Variants in PTPRD observed in about 807,000 individuals in gnomAD.
The protein encoded by PTPRD is receptor-type tyrosine-protein phosphatase delta.
Under a neutral mutation model 214.5 loss-of-function variants are expected in PTPRD, and 34 were observed. The ratio of observed to expected loss-of-function variants is 0.16; its 90% CI spans 0.12 to 0.21. The LOEUF (loss-of-function observed/expected upper bound fraction) is 0.21. PTPRD is among the 10% of genes least tolerant of loss of function. PTPRD has a pLI of 1.00. For missense variants in PTPRD, 2,545 were observed against 2,398.7 expected (o/e 1.06, Z -1.27); for synonymous variants, 1,128 against 845.7 (o/e 1.33, Z -5.79).
At chr9:9,180,432 CAG>C in intron 10 of PTPRD, among the ~76,000 whole-genome samples, 1 of 119,744 alleles carries the variant, frequency 8.4e-6, no homozygotes, top group Non-Finnish European at 1.6e-5. Flanking sequence ...GAACATCACA[CAG>C]TGGGGCCTGT....
chr9:8,792,192 T>C (rs2096259947), intron 11 of PTPRD, among the ~76,000 whole-genome samples: 1 of 152,184 alleles, frequency 6.6e-6, no homozygotes, highest in South Asian at 2.1e-4. Context: ...GAATTTGAAG[T>C]ACTTATGACT....
At chr9:9,898,501 A>T (rs2075604973) in intron 5 of PTPRD, among the ~76,000 whole-genome samples, 1 of 152,086 alleles carries the variant, frequency 6.6e-6, no homozygotes, top group African/African-American at 2.4e-5. Flanking sequence ...CGCATCAAGG[A>T]TTACTTCATG....
intron 8 of PTPRD, among the ~76,000 whole-genome samples, chr9:9,423,666 C>T (rs11790367): frequency 6.6e-6 from 1 of 151,946 alleles, no homozygotes; most frequent in Non-Finnish European, 1.5e-5. Flanking sequence ...ATAACTGCAT[C>T]AGAGAAATGG....
chr9:9,996,870 G>C (rs2096139346), intron 4 of PTPRD, among the ~76,000 whole-genome samples: 1 of 152,144 alleles, frequency 6.6e-6, no homozygotes, highest in Non-Finnish European at 1.5e-5. Context: ...AGAAAGAAGA[G>C]CTGATTTTCA....
intron 11 of PTPRD, among the ~76,000 whole-genome samples, chr9:8,908,046 G>T (rs74572245): frequency 0.03 from 4,513 of 152,132 alleles, 197 homozygotes; most frequent in African/African-American, 0.097. Context: ...AATCTTGAAA[G>T]CAGGAAGAGA....
intron 2 of PTPRD, among the ~76,000 whole-genome samples, chr9:10,591,663 C>A (rs769963338): frequency 6.6e-6 from 1 of 152,028 alleles, no homozygotes; most frequent in Non-Finnish European, 1.5e-5. Context: ...GGTGGGCAGC[C>A]TCCAATAAGG....
rs2099703204 is a variant in PTPRD, at chr9:9,059,443, G to A, written c.-142-40708C>T. ...GGTTAAGGATATAGACAAAGAATAA[G>A]TATATAGAAATCAAAAACAAAAAGA... On this transcript the variant is annotated intron_variant, in intron 10 of 45. Transcript: ENST00000381196. 2.0e-5 allele frequency among the ~76,000 whole-genome samples: 3 copies of A among 152,218 alleles called. No individual in the cohort carries two copies. The East Asian group carries it at 5.8e-4, about 29-fold the overall frequency.
chr9:9,397,070 AAAC>A (rs2068144573), intron 9 of PTPRD, among the ~76,000 whole-genome samples: 1 of 152,048 alleles, frequency 6.6e-6, no homozygotes, highest in Non-Finnish European at 1.5e-5. Context: ...ATAGTAGAGA[AAAC>A]AAAAAATAAT....
chr9:9,301,980 G>T (rs886640021), intron 9 of PTPRD, among the ~76,000 whole-genome samples: 3 of 151,910 alleles, frequency 2.0e-5, no homozygotes, highest in Non-Finnish European at 4.4e-5. Flanking sequence ...ACTATTTAAA[G>T]TCAAGTTACT....
Position 9,665,303 on chromosome 9 carries a change from A to C in PTPRD, c.-287+69230T>G, listed in dbSNP as rs542734405. Among the ~76,000 whole-genome samples the C allele has an allele frequency of 2.5e-3, 387 of 151,958 alleles. 2 individuals carry two copies. Among genetic ancestry groups the C allele is most frequent in the African/African-American group, 8.7e-3 (362 of 41,556 alleles). Reference sequence around the variant, plus strand: ...ACGGCATAAATACAAAGCATTTATTAGTATTTTCATTTAATCTCGTTTGAG... The same window carrying C: ...ACGGCATAAATACAAAGCATTTATTCGTATTTTCATTTAATCTCGTTTGAG... On this transcript the variant is annotated intron_variant, in intron 7 of 45. Coordinates refer to ENST00000381196, the MANE Select transcript of PTPRD (RefSeq NM_002839.4).
At chr9:9,051,623 C>A (rs2099685723) in intron 10 of PTPRD, among the ~76,000 whole-genome samples, 1 of 151,978 alleles carries the variant, frequency 6.6e-6, no homozygotes, top group Non-Finnish European at 1.5e-5. Context: ...ATGCCTAAGC[C>A]ATTTAGAAAG....
At chr9:10,464,402 GAT>G (rs1478144643) in intron 2 of PTPRD, among the ~76,000 whole-genome samples, 34 of 143,766 alleles carry the variant, frequency 2.4e-4, no homozygotes, top group African/African-American at 8.5e-4. Context: ...GAGAGAGAGA[GAT>G]AGAGAGACAG....
intron 3 of PTPRD, among the ~76,000 whole-genome samples, chr9:10,034,406 AC>A (rs1567216492): frequency 3.9e-5 from 4 of 103,254 alleles, no homozygotes; most frequent in African/African-American, 3.4e-5. Context: ...TCCTGGCTCT[AC>A]TTTTTTTTTT....
At chr9:8,430,259 A>T (rs983331979) in intron 35 of PTPRD, among the ~76,000 whole-genome samples, 1 of 150,378 alleles carries the variant, frequency 6.6e-6, no homozygotes, top group Admixed American at 6.6e-5. Flanking sequence ...ATGCCCATTA[A>T]TTTTTTTTAT....
intron 10 of PTPRD, among the ~76,000 whole-genome samples, chr9:9,095,805 T>C (rs1399608074): frequency 1.3e-5 from 2 of 152,210 alleles, no homozygotes; most frequent in South Asian, 2.1e-4. Context: ...TTCATTCCCA[T>C]GTTCCTTGCA....
At chr9:9,613,075 G>C (rs1421230180) in intron 7 of PTPRD, among the ~76,000 whole-genome samples, 1 of 127,776 alleles carries the variant, frequency 7.8e-6, no homozygotes, top group East Asian at 2.3e-4. Context: ...GTCTCATGAT[G>C]CTGATGCTGC....
intron 4 of PTPRD, among the ~76,000 whole-genome samples, chr9:9,968,282 TAA>T (rs2094845361): frequency 6.6e-6 from 1 of 152,166 alleles, no homozygotes; most frequent in Admixed American, 6.5e-5. Flanking sequence ...CTGATTTGAC[TAA>T]AAGTGATAAT....
intron 14 of PTPRD, among the ~76,000 whole-genome samples, chr9:8,559,722 TC>T (rs2085409160): frequency 6.6e-6 from 1 of 152,148 alleles, no homozygotes; most frequent in Non-Finnish European, 1.5e-5. Context: ...CTATCACCTT[TC>T]AAACTGACAC....
At chr9:9,871,813 C>A (rs540951905) in intron 5 of PTPRD, among the ~76,000 whole-genome samples, 1 of 152,268 alleles carries the variant, frequency 6.6e-6, no homozygotes, top group Non-Finnish European at 1.5e-5. Flanking sequence ...CTAAGATTAT[C>A]TTCTGGAAAG....
Sources: allele counts gnomAD v4.1 joint callset (sites outside exome capture counted in the v4.1 genomes callset), GRCh38; gene constraint gnomAD v4.1.1; transcripts MANE v1.5; gene names NCBI Gene and HGNC (gene_info 2026-07-23, HGNC 2026-07-21).